ZNF345: variants seen among roughly 807,000 people sequenced by gnomAD.
ZNF345 encodes zinc finger protein 345.
For synonymous variants in ZNF345, 166 were observed against 187.9 expected, an observed-to-expected ratio of 0.88 and a Z score of 0.95; for missense variants, 527 against 589.9, an observed-to-expected ratio of 0.89 and a Z score of 1.10.
Position 36,878,019 on chromosome 19 carries a change from C to T in ZNF345, c.1189C>T (p.Pro397Ser), listed in dbSNP as rs758471684. 3 of 1,613,810 alleles carry T rather than the reference C, an allele frequency of 1.9e-6. No homozygotes were observed. The highest frequency in any genetic ancestry group is 2.5e-6 in the Non-Finnish European group (3 of 1,179,938). Residue 397 changes from proline to serine, a missense_variant, in exon 3 of 3, where the codon CCC (proline) becomes TCC (serine). Coordinates refer to ENST00000420450, the MANE Select transcript of ZNF345 (RefSeq NM_001242472.2). ...CCAGCTAATCCATACTGGTGAAAGA[C>T]CCTATGAATGTAAAGAATGTGGAAA... is the stretch of plus-strand genomic sequence containing the variant. ...QHQLIHTGER[P>S]YECKECGKSF...
At chr19:36,882,594 G>C (rs980140514), downstream of ZNF345, among the ~76,000 whole-genome samples, 12 of 151,992 alleles carry the variant, frequency 7.9e-5, no homozygotes, top group African/African-American at 2.9e-4. Context: ...TTAACTTCTA[G>C]ATAATTATTA....
intron 2 of ZNF345, among the ~76,000 whole-genome samples, chr19:36,856,308 T>A (rs1420021079): frequency 6.6e-6 from 1 of 152,232 alleles, no homozygotes; most frequent in African/African-American, 2.4e-5. Context: ...AAATTTGTTT[T>A]GCTTTGATTT....
intron 2 of ZNF345, among the ~76,000 whole-genome samples, chr19:36,862,071 G>A (rs998291400): frequency 2.0e-5 from 3 of 149,020 alleles, no homozygotes; most frequent in African/African-American, 7.4e-5. Context: ...ATGTTGGTCA[G>A]GCTGGTCTCA....
intron 2 of ZNF345, among the ~76,000 whole-genome samples, chr19:36,864,127 A>C (rs1435251195): frequency 6.6e-6 from 1 of 152,248 alleles, no homozygotes; most frequent in Admixed American, 6.5e-5. Context: ...GAACTAGGAA[A>C]GTTTAATATA....
intron 2 of ZNF345, among the ~76,000 whole-genome samples, chr19:36,859,277 T>C (rs921787445): frequency 9.9e-5 from 15 of 151,934 alleles, no homozygotes; most frequent in Non-Finnish European, 1.2e-4. Context: ...TGCCTCAGCC[T>C]CTTGAGTAGC....
At chr19:36,864,054 G>A (rs751214816) in intron 2 of ZNF345, among the ~76,000 whole-genome samples, 2 of 152,162 alleles carry the variant, frequency 1.3e-5, no homozygotes, top group Admixed American at 6.6e-5. Context: ...CACTTGGAAC[G>A]ACATCAGTTA....
At chr19:36,873,707 A>G (rs1356263355) in intron 2 of ZNF345, among the ~76,000 whole-genome samples, 5 of 145,112 alleles carry the variant, frequency 3.4e-5, no homozygotes, top group Admixed American at 6.9e-5. Context: ...TTTTTTTTAC[A>G]TTCTACATAT....
At chr19:36,852,660 C>T (rs1305853864) in intron 2 of ZNF345, among the ~76,000 whole-genome samples, 2 of 151,588 alleles carry the variant, frequency 1.3e-5, no homozygotes, top group African/African-American at 4.8e-5. Context: ...TCAGTTTTAC[C>T]AAACATTGCC....
In ZNF345 at chr19:36,887,202, A is replaced by C. The variant is rs187811467; in HGVS notation, c.47-5616A>C. Among the ~76,000 whole-genome samples, 436 of 152,030 alleles carry C rather than the reference A, an allele frequency of 2.9e-3. 1 individual carries two copies. Among genetic ancestry groups the C allele is most frequent in the Admixed American group, 0.012 (187 of 15,252 alleles). On this transcript the variant is annotated intron_variant, in intron 3 of 3. Coordinates refer to the ZNF345 transcript ENST00000526123. The stretch of plus-strand genomic sequence containing the variant: ...ACCACCACCACCACCACCACCAACA[A>C]CAACAAAAAAAACAAGGAAGAAACT...
intron 3 of ZNF345, chr19:36,890,393 C>G (rs1328732296): frequency 6.6e-6 from 1 of 152,076 alleles, no homozygotes; most frequent in Non-Finnish European, 1.5e-5. Context: ...GTATTGCTGT[C>G]TATCTCTTTT....
intron 3 of ZNF345, among the ~76,000 whole-genome samples, chr19:36,886,269 A>G (rs2072995789): frequency 1.3e-5 from 2 of 152,338 alleles, no homozygotes; most frequent in Non-Finnish European, 2.9e-5. Context: ...CGTGCTGTGC[A>G]TAGTGACTTC....
downstream of ZNF345, among the ~76,000 whole-genome samples, chr19:36,882,737 C>T (rs903491507): frequency 1.3e-5 from 2 of 152,226 alleles, no homozygotes; most frequent in African/African-American, 4.8e-5. Flanking sequence ...TGTGAAACTT[C>T]ATTAAAAAGT....
At chr19:36,868,530 A>G (rs1452922348) in intron 2 of ZNF345, among the ~76,000 whole-genome samples, 1 of 152,088 alleles carries the variant, frequency 6.6e-6, no homozygotes, top group Non-Finnish European at 1.5e-5. Context: ...AAGTTTTACA[A>G]TTGGAAGAAG....
intron 2 of ZNF345, among the ~76,000 whole-genome samples, chr19:36,871,956 G>A (rs1292976151): frequency 6.6e-6 from 1 of 151,876 alleles, no homozygotes. Context: ...TAGTAGAGAC[G>A]GGGTTTCTCC....
Position 36,887,187 on chromosome 19 carries a change from C to A in ZNF345, c.47-5631C>A, listed in dbSNP as rs553649827. Among the ~76,000 whole-genome samples, 15 of 151,408 alleles carry A rather than the reference C, an allele frequency of 9.9e-5. 1 individual carries two copies. In the South Asian group the frequency reaches 3.1e-3, roughly 32 times the overall value. On this transcript the variant is annotated intron_variant, in intron 3 of 3. Coordinates refer to the ZNF345 transcript ENST00000526123. ...ATCTCAAAAAACACCACCACCACCA[C>A]CACCACCACCAACAACAACAAAAAA... is the stretch of plus-strand genomic sequence containing the variant.
intron 2 of ZNF345, among the ~76,000 whole-genome samples, chr19:36,871,105 T>G (rs1335011556): frequency 6.6e-6 from 1 of 152,244 alleles, no homozygotes; most frequent in Non-Finnish European, 1.5e-5. Context: ...TGTTGGCAGA[T>G]TCAGTGTCTG....
At position 36,877,752 on chromosome 19, in the gene ZNF345, C is replaced by T. The variant is rs1600718468; in HGVS notation, c.922C>T (p.His308Tyr). The T allele has an allele frequency of 5.6e-6, 9 of 1,613,948 alleles. No individual in the cohort carries two copies. The highest frequency in any genetic ancestry group is 7.6e-6 in the Non-Finnish European group (9 of 1,179,974). Reference sequence around the variant, plus strand: ...AGATCTCACTCAGCATCAGAGAATTCACACTGGTGAGAAACCCTATGAGTG... The same window carrying T: ...AGATCTCACTCAGCATCAGAGAATTTACACTGGTGAGAAACCCTATGAGTG... ...GSDLTQHQRI[H>Y]TGEKPYECKE... is the part of the protein sequence containing the mutation. Residue 308 changes from histidine to tyrosine, a missense_variant, in exon 3 of 3, where the codon CAC (histidine) becomes TAC (tyrosine). By Grantham distance (83) the His-to-Tyr change is moderately conservative. Transcript: ENST00000420450.
chr19:36,882,195 T>C (rs2072972470), downstream of ZNF345, among the ~76,000 whole-genome samples: 2 of 152,174 alleles, frequency 1.3e-5, no homozygotes, highest in South Asian at 2.1e-4. Context: ...GGTTAATATA[T>C]TTTCAGTCTC....
chr19:36,860,341 C>A (rs2072521943), intron 2 of ZNF345, among the ~76,000 whole-genome samples: 1 of 152,174 alleles, frequency 6.6e-6, no homozygotes. Context: ...AAAATTTTAA[C>A]ATTTATATGA....
Sources: gnomAD v4.1 joint callset for allele counts (sites outside exome capture counted in the v4.1 genomes callset) on GRCh38, gnomAD v4.1.1 for gene constraint, MANE v1.5 for transcripts, NCBI Gene and HGNC (gene_info 2026-07-23, HGNC 2026-07-21) for gene names.